The following TTC6 variants were observed in gnomAD, a reference collection of about 807,000 sequenced individuals.
TTC6 encodes the protein tetratricopeptide repeat protein 6.
In TTC6, 172 loss-of-function variants were observed where a neutral mutation model predicts 210.4. The observed-to-expected ratio is 0.82, with a 90% CI of 0.72 to 0.93. TTC6 has a LOEUF of 0.93. Among genes scored for constraint, TTC6 ranks in the 40% least tolerant of loss-of-function variants. TTC6 has a pLI of 0.00. For synonymous variants in TTC6, 804 were observed against 819.6 expected (o/e 0.98, Z 0.32); for missense variants, 2,414 against 2,318.1 (o/e 1.04, Z -0.85).
At chr14:37,786,009 G>A (rs778790244) in intron 14 of TTC6, among the ~76,000 whole-genome samples, 1 of 152,114 alleles carries the variant, frequency 6.6e-6, no homozygotes, top group Non-Finnish European at 1.5e-5. Context: ...AGGGGCACCC[G>A]GCTGTATGAG....
intron 1 of TTC6, among the ~76,000 whole-genome samples, chr14:37,656,514 CGT>C (rs35073797): frequency 0.46 from 68,121 of 147,670 alleles, 16,379 homozygotes; most frequent in East Asian, 0.83. Context: ...TGTGTGTGTG[CGT>C]GTGTGTGTGT....
rs1310590500 is a variant in TTC6, at chr14:37,622,763, G to A, written c.699G>A (p.Glu233=). The A allele has an allele frequency of 3.3e-6, 5 of 1,534,866 alleles. No homozygotes were observed. In the Admixed American group the frequency reaches 5.9e-5, roughly 18 times the overall value. Residue 233 remains glutamate (E), a synonymous_variant, in exon 1 of 31, where the codon GAG becomes GAA. Transcript: ENST00000553443. Reference sequence around the variant, plus strand: ...GGATCCGCAGCAACTTCGTGAGCGAGAGCGGGGCCCGCGAGGCGCGGGAAG... The same window carrying A: ...GGATCCGCAGCAACTTCGTGAGCGAAAGCGGGGCCCGCGAGGCGCGGGAAG...
chr14:37,680,965 T>C (rs143745459), intron 2 of TTC6, among the ~76,000 whole-genome samples: 3 of 152,260 alleles, frequency 2.0e-5, no homozygotes, highest in African/African-American at 7.2e-5. Context: ...GTGCATGGAA[T>C]TTTTTCTTTT....
intron 1 of TTC6, among the ~76,000 whole-genome samples, chr14:37,641,584 T>C (rs767906956): frequency 6.6e-6 from 1 of 152,220 alleles, no homozygotes; most frequent in Non-Finnish European, 1.5e-5. Flanking sequence ...TGAAGAGGGA[T>C]AGCCTGACAA....
intron 6 of TTC6, among the ~76,000 whole-genome samples, chr14:37,719,593 C>G (rs1474178554): frequency 1.3e-5 from 2 of 151,966 alleles, no homozygotes; most frequent in Non-Finnish European, 2.9e-5. Context: ...AAAAATTATT[C>G]AATGGTGTAG....
exon 27 of TTC6, chr14:37,823,816 T>A (rs748721427): frequency 1.2e-6 from 2 of 1,614,072 alleles, no homozygotes; most frequent in Non-Finnish European, 1.7e-6. Flanking sequence ...GTTTTCTGGA[T>A]GCTTATGTTG....
At chr14:37,793,353 C>CA (rs749641867) in intron 17 of TTC6, among the ~76,000 whole-genome samples, 71 of 152,092 alleles carry the variant, frequency 4.7e-4, no homozygotes, top group Non-Finnish European at 7.5e-4. Flanking sequence ...GGTAAAAAAA[C>CA]AAAAAAACAA....
chr14:37,771,210 G>A (rs914476384), intron 14 of TTC6, among the ~76,000 whole-genome samples: 6 of 152,148 alleles, frequency 3.9e-5, no homozygotes, highest in African/African-American at 1.2e-4. Flanking sequence ...AGGGTAACCC[G>A]ACCTTTCTGT....
chr14:37,828,624 A>G (rs1464767635), intron 29 of TTC6, among the ~76,000 whole-genome samples: 1 of 152,074 alleles, frequency 6.6e-6, no homozygotes, highest in Non-Finnish European at 1.5e-5. Flanking sequence ...CATTTGACTA[A>G]AGAATAAATT....
At chr14:37,826,092 A>C in intron 27 of TTC6, 103 bp from the exon 30 acceptor site, 1 of 1,222,316 alleles carries the variant, frequency 8.2e-7, no homozygotes, top group Non-Finnish European at 1.1e-6. Flanking sequence ...AGCATGGCAT[A>C]AATATACCCT....
chr14:37,823,319 T>C (rs1244913829), intron 26 of TTC6, among the ~76,000 whole-genome samples: 1 of 152,214 alleles, frequency 6.6e-6, no homozygotes. Context: ...AAAATCTGGC[T>C]GTTTTCATTG....
At chr14:37,807,201 A>C in intron 22 of TTC6, 119 bp from the exon 25 acceptor site, 1 of 928,038 alleles carries the variant, frequency 1.1e-6, no homozygotes, top group South Asian at 4.2e-5. Flanking sequence ...TTTTAAAAAG[A>C]CTATATTTTA....
intron 11 of TTC6, 146 bp from the exon 14 acceptor site, chr14:37,749,568 G>A (rs1206955351): frequency 9.7e-7 from 1 of 1,027,216 alleles, no homozygotes; most frequent in Non-Finnish European, 1.3e-6. Flanking sequence ...TTAAAAACAT[G>A]ATTTTTGTTT....
intron 14 of TTC6, 63 bp downstream of exon 16, chr14:37,753,298 C>T: frequency 7.4e-7 from 1 of 1,356,758 alleles, no homozygotes; most frequent in Non-Finnish European, 9.9e-7. Flanking sequence ...ATTTTCAGAA[C>T]AGAAAATTGC....
In TTC6 at chr14:37,686,997, C is replaced by T. The variant is rs548302332; in HGVS notation, c.1257+4033C>T. ...GAGCAAGATGGTGGAATAGAAGGCT[C>T]CATTGATTGTCCCCTCCACTCCACA... On this transcript the variant is annotated intron_variant, in intron 3 of 30. Transcript: ENST00000553443. Among the ~76,000 whole-genome samples the T allele has an allele frequency of 4.6e-5, 7 of 152,244 alleles. No homozygotes were observed. The South Asian group carries it at 1.0e-3, about 23-fold the overall frequency.
chr14:37,714,922 AAT>A, intron 6 of TTC6, 126 bp downstream of exon 8: 1 of 853,144 alleles, frequency 1.2e-6, no homozygotes, highest in Non-Finnish European at 1.7e-6. Flanking sequence ...TCACGCCTGT[AAT>A]CCCAGAACTT....
chr14:37,672,998 A>G (rs943687904), intron 1 of TTC6, among the ~76,000 whole-genome samples: 1 of 152,156 alleles, frequency 6.6e-6, no homozygotes, highest in African/African-American at 2.4e-5. Context: ...AGGACTTTGC[A>G]TAAAAGATGC....
chr14:37,811,729 A>G (rs934469421), intron 24 of TTC6, among the ~76,000 whole-genome samples: 1 of 152,226 alleles, frequency 6.6e-6, no homozygotes, highest in Admixed American at 6.5e-5. Flanking sequence ...GTGTCTTTTA[A>G]AAAATGAATA....
intron 14 of TTC6, among the ~76,000 whole-genome samples, chr14:37,784,599 T>C (rs913958353): frequency 1.3e-5 from 2 of 152,208 alleles, no homozygotes; most frequent in Non-Finnish European, 2.9e-5. Flanking sequence ...TGTCTTTTAA[T>C]TGGAGCATTT....
Sources: allele counts gnomAD v4.1 joint callset (sites outside exome capture counted in the v4.1 genomes callset), GRCh38; gene constraint gnomAD v4.1.1; transcripts MANE v1.5; gene names NCBI Gene and HGNC (gene_info 2026-07-23, HGNC 2026-07-21).